Variants in NLGN3 observed in about 807,000 individuals in gnomAD.
The protein encoded by NLGN3 is neuroligin 3, also known as neuroligin-3.
Under a neutral mutation model 42.9 loss-of-function variants are expected in NLGN3, and 11 were observed. That is an observed-to-expected ratio of 0.26 (90% confidence interval 0.16 to 0.42). The LOEUF is 0.42. Among genes scored for constraint, NLGN3 ranks in the 10% least tolerant of loss-of-function variants. The pLI is 1.00. For missense variants in NLGN3, 374 were observed against 733.8 expected (o/e 0.51, Z 5.67); for synonymous variants, 279 against 312.7 (o/e 0.89, Z 1.14).
At chrX:71,155,743 C>A (rs935587897) in intron 5 of NLGN3, among the ~76,000 whole-genome samples, 3 of 111,008 alleles carry the variant, frequency 2.7e-5, no homozygotes, top group African/African-American at 9.9e-5. Context: ...GATATTCCTT[C>A]CAGTCCACTC....
intron 5 of NLGN3, among the ~76,000 whole-genome samples, chrX:71,157,634 T>C (rs186167561): frequency 9.0e-6 from 1 of 111,419 alleles, no homozygotes; most frequent in Non-Finnish European, 1.9e-5. Context: ...CTTAATTTTC[T>C]CTTGACTATA....
At chrX:71,168,591 C>T (rs763607341) in intron 7 of NLGN3, among the ~76,000 whole-genome samples, 33 of 107,223 alleles carry the variant, frequency 3.1e-4, no homozygotes, top group Non-Finnish European at 5.2e-4. Context: ...ATTTGCCAGG[C>T]GTGGTGGCGG....
chrX:71,168,857 G>GAA (rs756831162), intron 7 of NLGN3, among the ~76,000 whole-genome samples: 2 of 86,755 alleles, frequency 2.3e-5, no homozygotes, highest in East Asian at 6.5e-4. Flanking sequence ...AAGAAAGAAA[G>GAA]AAAGAAAGAA....
At position 71,170,396 on chromosome X, in the gene NLGN3, C is replaced by G; in HGVS notation, c.*299C>G. 5 of 981,076 alleles carry G rather than the reference C, an allele frequency of 5.1e-6. No individual in the cohort carries two copies. Among genetic ancestry groups the G allele is most frequent in the Non-Finnish European group, 6.5e-6 (5 of 774,775 alleles). 80.9% of individuals were successfully genotyped at this position (981,076 alleles called of 1,213,427 possible). A position where few individuals can be genotyped will look rare whatever the true frequency, so the allele number is the denominator to read the frequency against. On this transcript the variant is annotated 3_prime_UTR_variant, in exon 8 of 8. Transcript: ENST00000358741. ...AGCAGCTGAAGCCAGCTCCCTGAAT[C>G]TGACCACAGACACTCCTGGGGGGCC... is the stretch of plus-strand genomic sequence containing the variant.
At chrX:71,175,001 G>A (rs1046401528), downstream of NLGN3, among the ~76,000 whole-genome samples, 3 of 112,090 alleles carry the variant, frequency 2.7e-5, no homozygotes, top group African/African-American at 9.7e-5. Context: ...ATCATCTTGT[G>A]CTACTTTGCA....
chrX:71,171,258 G>T, downstream of NLGN3: 5 of 740,460 alleles, frequency 6.8e-6, no homozygotes, highest in South Asian at 3.5e-4. Flanking sequence ...GTGCCTCTGC[G>T]GGCTGGGAAT....
intron 6 of NLGN3, among the ~76,000 whole-genome samples, chrX:71,164,566 G>T (rs1284173100): frequency 8.9e-6 from 1 of 112,492 alleles, no homozygotes; most frequent in African/African-American, 3.2e-5. Context: ...CTTCTGATGT[G>T]GGAGTCTTAT....
In NLGN3 at chrX:71,148,852, G is replaced by A. The variant is rs2092380927; in HGVS notation, c.464G>A (p.Arg155Gln). ...NVYVPTEDVK[R>Q]ISKECARKPN... ...TTTTTTATTCATTTTACAGTAAAGC[G>A]GATTTCCAAGGAATGCGCCCGAAAG... Residue 155 changes from arginine (R) to glutamine (Q), a missense_variant, in exon 3 of 8, where the codon CGG becomes CAG. Coordinates refer to ENST00000358741, the MANE Select transcript of NLGN3 (RefSeq NM_181303.2). 2.6e-6 allele frequency: 3 copies of A among 1,137,371 alleles called. No homozygotes were observed. Among genetic ancestry groups the A allele is most frequent in the African/African-American group, 1.8e-5 (1 of 54,255 alleles). The allele number at this position is 1,137,371 out of a possible 1,213,427, so 93.7% of individuals were successfully genotyped here.
chrX:71,170,054 A>G lies in NLGN3; in HGVS notation c.2504A>G (p.Asn835Ser). 2.5e-6 allele frequency: 3 copies of G among 1,210,071 alleles called. No individual in the cohort carries two copies. Among genetic ancestry groups the G allele is most frequent in the Non-Finnish European group, 3.4e-6 (3 of 895,058 alleles). The change falls in exon 8 of 8, where the codon AAC becomes AGC. Residue 835 changes from asparagine (N) to serine (S), a missense_variant. Asn to Ser is a conservative substitution (Grantham distance 46, BLOSUM62 1). This residue lies in a region of NLGN3 where 92 missense variants were observed against 108.0 expected (regional missense o/e 0.85). Transcript: ENST00000358741. ...HPYNTFAAGF[N>S]STGLPHSHST... ...TATAACACCTTTGCCGCAGGGTTCAACAGTACCGGGCTGCCCCACTCACAC... is the reference window on the plus strand; with the variant it reads ...TATAACACCTTTGCCGCAGGGTTCAGCAGTACCGGGCTGCCCCACTCACAC...
At chrX:71,149,242 C>A (rs760672111) in intron 3 of NLGN3, among the ~76,000 whole-genome samples, 1 of 111,743 alleles carries the variant, frequency 8.9e-6, no homozygotes, top group Non-Finnish European at 1.9e-5. Context: ...AGGCTCCACC[C>A]TTTTCCTAGT....
At position 71,170,182 on chromosome X, in the gene NLGN3, GACACACAC is replaced by G. The variant is rs760166426; in HGVS notation, c.*97_*104del. The G allele has an allele frequency of 2.6e-5, 27 of 1,023,500 alleles. No individual in the cohort carries two copies. Among genetic ancestry groups the G allele is most frequent in the Non-Finnish European group, 3.4e-5 (26 of 773,309 alleles). The allele number at this position is 1,023,500 out of a possible 1,213,427, so 84.3% of individuals were successfully genotyped here. ...GCACACACACACACACACACACGCAGACACACACACACACACACATATATGTATACGCA... is the reference window on the plus strand; with the variant it reads ...GCACACACACACACACACACACGCAGACACACACACATATATGTATACGCA... On this transcript the variant is annotated 3_prime_UTR_variant, in exon 8 of 8. Transcript: ENST00000358741.
rs2092450718 is a variant in NLGN3, at chrX:71,167,474, A to C, written c.1377A>C (p.Thr459=). 1 of 1,208,929 alleles carries C rather than the reference A, an allele frequency of 8.3e-7. No individual in the cohort carries two copies. Among genetic ancestry groups the C allele is most frequent in the African/African-American group, 1.8e-5 (1 of 56,830 alleles). The change falls in exon 7 of 8, where the codon ACA becomes ACC. Residue 459 remains threonine (T), a synonymous_variant. Coordinates refer to ENST00000358741, the MANE Select transcript of NLGN3 (RefSeq NM_181303.2). ...TLRETIKFMY[T]DWADRDNPET... ...GAGAGACCATCAAGTTCATGTATAC[A>C]GACTGGGCAGACCGTGACAACCCTG...
intron 5 of NLGN3, among the ~76,000 whole-genome samples, chrX:71,160,961 C>G (rs1188722672): frequency 8.9e-6 from 1 of 111,969 alleles, no homozygotes; most frequent in African/African-American, 3.2e-5. Context: ...CCTTCATTCT[C>G]ACATGGTTTC....
In NLGN3 at chrX:71,148,094, C is replaced by T. The variant is rs1304421493; in HGVS notation, c.345C>T (p.Pro115=). 19 of 1,207,972 alleles carry T rather than the reference C, an allele frequency of 1.6e-5. No individual in the cohort carries two copies. Among genetic ancestry groups the T allele is most frequent in the Admixed American group, 2.2e-5 (1 of 45,622 alleles). ...VCPQNIHTAV[P]EVMLPVWFTA... is the part of the protein sequence containing the mutation. ...CCCAGAACATCCACACAGCTGTGCCCGAAGTCATGCTGCCGGTCTGGTTCA... is the reference window on the plus strand; with the variant it reads ...CCCAGAACATCCACACAGCTGTGCCTGAAGTCATGCTGCCGGTCTGGTTCA... Residue 115 remains proline (P), a synonymous_variant, in exon 2 of 8, where the codon CCC becomes CCT. Transcript: ENST00000358741.
chrX:71,170,267 A>G lies in NLGN3; in HGVS notation c.*170A>G, dbSNP rs1474617204. On this transcript the variant is annotated 3_prime_UTR_variant, in exon 8 of 8. Coordinates refer to ENST00000358741, the MANE Select transcript of NLGN3 (RefSeq NM_181303.2). ...CCTGCACAAACATAGACAGATGTGGACATGCACCCGCATGTACAAAAACAC... is the reference window on the plus strand; with the variant it reads ...CCTGCACAAACATAGACAGATGTGGGCATGCACCCGCATGTACAAAAACAC... 2.7e-6 allele frequency: 3 copies of G among 1,129,811 alleles called. No individual in the cohort carries two copies. The highest frequency in any genetic ancestry group is 3.5e-6 in the Non-Finnish European group (3 of 858,986). The allele number at this position is 1,129,811 out of a possible 1,213,427, so 93.1% of individuals were successfully genotyped here. A position where few individuals can be genotyped will look rare whatever the true frequency, so the allele number is the denominator to read the frequency against.
At chrX:71,145,240 G>A (rs2092361856) in intron 1 of NLGN3, among the ~76,000 whole-genome samples, 1 of 106,890 alleles carries the variant, frequency 9.4e-6, no homozygotes, top group African/African-American at 3.4e-5. Context: ...CCCTATTGAG[G>A]GCCCCCAGCC....
Position 71,171,009 on chromosome X carries a change from C to T in NLGN3, c.*912C>T. On this transcript the variant is annotated 3_prime_UTR_variant, in exon 8 of 8. Transcript: ENST00000358741. Reference sequence around the variant, plus strand: ...GGGAAATGCTATCAGAAATTCGCCCCATTTTCTTTACAGTCTTTTGTGTCT... The same window carrying T: ...GGGAAATGCTATCAGAAATTCGCCCTATTTTCTTTACAGTCTTTTGTGTCT... 1.3e-6 allele frequency: 1 copy of T among 753,762 alleles called. No individual in the cohort carries two copies. Among genetic ancestry groups the T allele is most frequent in the Non-Finnish European group, 1.6e-6 (1 of 639,123 alleles). 62.1% of individuals were successfully genotyped at this position (753,762 alleles called of 1,213,427 possible). A position where few individuals can be genotyped will look rare whatever the true frequency, so the allele number is the denominator to read the frequency against.
At chrX:71,162,116 AT>A (rs773498934) in intron 5 of NLGN3, among the ~76,000 whole-genome samples, 2,303 of 102,305 alleles carry the variant, frequency 0.023, 45 homozygotes, top group African/African-American at 0.067. Context: ...GTTTTGAGGG[AT>A]TTTTTTTTTT....
chrX:71,166,648 G>C (rs1378089715), intron 6 of NLGN3, among the ~76,000 whole-genome samples: 2 of 111,668 alleles, frequency 1.8e-5, no homozygotes, highest in African/African-American at 3.3e-5. Flanking sequence ...CCAGCTCCCT[G>C]GTGGTGCGCT....
Sources: gnomAD v4.1 joint callset for allele counts (sites outside exome capture counted in the v4.1 genomes callset) on GRCh38, gnomAD v4.1.1 for gene constraint, gnomAD v4.1.1 regional missense constraint, MANE v1.5 for transcripts, NCBI Gene and HGNC (gene_info 2026-07-23, HGNC 2026-07-21) for gene names.